Variants in MDH2 observed in about 807,000 individuals in gnomAD.
MDH2 encodes the protein malate dehydrogenase 2.
In MDH2, 25 loss-of-function variants were observed where a neutral mutation model predicts 33.6. That is an observed-to-expected ratio of 0.74 (90% CI 0.54 to 1.04). The LOEUF is 1.04. MDH2 is among the 50% of genes least tolerant of loss of function. The pLI is 0.00. For missense variants in MDH2, 432 were observed against 445.0 expected (o/e 0.97, Z 0.26); for synonymous variants, 193 against 188.7 (o/e 1.02, Z -0.19).
chr7:76,066,395 G>A lies in MDH2; in HGVS notation c.1002G>A (p.Val334=). ...KASIKKGEDF[V]KTLK ...CCATCAAGAAGGGGGAAGATTTCGT[G>A]AAGACCCTGAAGTGAGCCGCTGTGA... is the stretch of plus-strand genomic sequence containing the variant. Residue 334 remains valine, a synonymous_variant, in exon 9 of 9, where the codon GTG becomes GTA. Transcript: ENST00000315758. 20 of 1,611,472 alleles carry A rather than the reference G, an allele frequency of 1.2e-5. No homozygotes were observed. Among genetic ancestry groups the A allele is most frequent in the Non-Finnish European group, 1.7e-5 (20 of 1,179,218 alleles).
chr7:76,053,286 C>T (rs1169673840), intron 1 of MDH2, among the ~76,000 whole-genome samples: 1 of 152,040 alleles, frequency 6.6e-6, no homozygotes, highest in African/African-American at 2.4e-5. Flanking sequence ...GTTTGTGGAA[C>T]CCATGGAACG....
Position 76,058,019 on chromosome 7 carries a change from C to G in MDH2, c.370C>G (p.Leu124Val), listed in dbSNP as rs1585405844. 2.5e-6 allele frequency: 4 copies of G among 1,614,082 alleles called. No homozygotes were observed. The highest frequency in any genetic ancestry group is 3.4e-6 in the Non-Finnish European group (4 of 1,180,054). ...CACCAATGCCACGATTGTGGCCACCCTGACCGCTGCCTGTGCCCAGCACTG... is the reference window on the plus strand; with the variant it reads ...CACCAATGCCACGATTGTGGCCACCGTGACCGCTGCCTGTGCCCAGCACTG... The part of the protein sequence containing the change: ...FNTNATIVAT[L>V]TAACAQHCPE... Residue 124 changes from leucine to valine, a missense_variant, in exon 4 of 9, where the codon CTG becomes GTG. Leu to Val is a conservative substitution (Grantham distance 32). Coordinates refer to ENST00000315758, the MANE Select transcript of MDH2 (RefSeq NM_005918.4).
chr7:76,057,013 A>C (rs200034524), intron 2 of MDH2, among the ~76,000 whole-genome samples: 1 of 372 alleles, frequency 2.7e-3, no homozygotes, highest in Non-Finnish European at 0.05. Flanking sequence ...ACTCCCTCTC[A>C]AAAAAAAAAA....
chr7:76,064,589 A>G, intron 7 of MDH2, 151 bp downstream of exon 7: 1 of 917,784 alleles, frequency 1.1e-6, no homozygotes, highest in Non-Finnish European at 1.6e-6. Context: ...GTGAGAGGGC[A>G]GCTCGGCCTG....
rs782787769 is a variant in MDH2, at chr7:76,064,343, C to A, written c.638C>A (p.Thr213Asn). The A allele has an allele frequency of 3.7e-6, 6 of 1,610,668 alleles. No homozygotes were observed. The African/African-American group carries it at 8.0e-5, about 22-fold the overall frequency. The change falls in exon 7 of 9, where the codon ACC (threonine) becomes AAC (asparagine). Residue 213 changes from threonine (T) to asparagine (N), a missense_variant. By Grantham distance (65) the Thr-to-Asn change is moderately conservative. Transcript: ENST00000315758. Reference sequence around the variant, plus strand: ...ATCCCATGGCTTGGCTTGCAGTGCACCCCCAAGGTGGACTTTCCCCAGGAC... The same window carrying A: ...ATCCCATGGCTTGGCTTGCAGTGCAACCCCAAGGTGGACTTTCCCCAGGAC... ...KTIIPLISQC[T>N]PKVDFPQDQL... is the part of the protein sequence containing the mutation.
intron 2 of MDH2, 79 bp from the exon 3 acceptor site, chr7:76,057,331 C>A: frequency 6.7e-7 from 1 of 1,502,178 alleles, no homozygotes. Context: ...CATTAGTTGG[C>A]CTTAAGGCCA....
At chr7:76,059,393 C>T (rs1797878723) in intron 4 of MDH2, among the ~76,000 whole-genome samples, 1 of 152,226 alleles carries the variant, frequency 6.6e-6, no homozygotes, top group African/African-American at 2.4e-5. Flanking sequence ...ATTCCTGGTC[C>T]CCTGTTGTCC....
chr7:76,055,189 A>G (rs1254021281), intron 2 of MDH2, among the ~76,000 whole-genome samples, 191 bp downstream of exon 2: 1 of 152,226 alleles, frequency 6.6e-6, no homozygotes, highest in Non-Finnish European at 1.5e-5. Flanking sequence ...GGTGTCTTTT[A>G]GAAATGTGAG....
chr7:76,048,385 C>T, intron 1 of MDH2, 159 bp downstream of exon 1: 1 of 1,207,990 alleles, frequency 8.3e-7, no homozygotes, highest in Non-Finnish European at 1.1e-6. Context: ...GGCCCTGACA[C>T]TGGCCTGGAG....
At position 76,060,556 on chromosome 7, in the gene MDH2, G is replaced by A. The variant is rs1306436786; in HGVS notation, c.555+58G>A. On this transcript the variant is annotated intron_variant, in intron 5 of 8. Transcript: ENST00000315758. Reference sequence around the variant, plus strand: ...TTTCTGAACTTCTCCCGCCACCCGTGCTCATTTACGGGCGTGGAAGACATG... The same window carrying A: ...TTTCTGAACTTCTCCCGCCACCCGTACTCATTTACGGGCGTGGAAGACATG... The A allele has an allele frequency of 1.9e-6, 3 of 1,598,960 alleles. No individual in the cohort carries two copies. In the African/African-American group the frequency reaches 4.0e-5, roughly 21 times the overall value.
At chr7:76,064,977 TCTGA>T in intron 8 of MDH2, 24 bp downstream of exon 8, 1 of 1,613,516 alleles carries the variant, frequency 6.2e-7, no homozygotes, top group Non-Finnish European at 8.5e-7. Context: ...CGTGGGTCCT[TCTGA>T]CTGTGGAATA....
intron 2 of MDH2, among the ~76,000 whole-genome samples, chr7:76,056,997 A>G (rs1554586347): frequency 7.2e-6 from 1 of 138,342 alleles, no homozygotes; most frequent in East Asian, 2.2e-4. Flanking sequence ...TGGGTGACAG[A>G]GCAAGACTCC....
At chr7:76,052,973 C>G (rs1797668715) in intron 1 of MDH2, among the ~76,000 whole-genome samples, 1 of 152,182 alleles carries the variant, frequency 6.6e-6, no homozygotes, top group African/African-American at 2.4e-5. Context: ...TTCTGAGTAG[C>G]TGGGACTACA....
intron 5 of MDH2, among the ~76,000 whole-genome samples, chr7:76,062,217 G>A (rs957266410): frequency 1.3e-5 from 2 of 152,138 alleles, no homozygotes; most frequent in South Asian, 2.1e-4. Context: ...CCCTTTCAAC[G>A]TGGCTCCAGG....
chr7:76,051,509 C>A (rs1797625697), intron 1 of MDH2, among the ~76,000 whole-genome samples: 1 of 150,702 alleles, frequency 6.6e-6, no homozygotes, highest in South Asian at 2.1e-4. Flanking sequence ...TTAGTAGAGA[C>A]AGGGTTTCTC....
At chr7:76,057,696 C>T (rs1797823522) in intron 3 of MDH2, among the ~76,000 whole-genome samples, 1 of 152,272 alleles carries the variant, frequency 6.6e-6, no homozygotes, top group Admixed American at 6.5e-5. Context: ...CCTCTGTGCA[C>T]GGACGCCCTT....
rs560020605 is a variant in MDH2 at position 76,051,121 on chromosome 7, G to T, written c.66+2895G>T. Reference sequence around the variant, plus strand: ...GCTGGTCTCAAACTCCTGACCTCAGGTGATCCACCTGTCTTGGCCTCCCAA... The same window carrying T: ...GCTGGTCTCAAACTCCTGACCTCAGTTGATCCACCTGTCTTGGCCTCCCAA... On this transcript the variant is annotated intron_variant, in intron 1 of 8. Coordinates refer to ENST00000315758, the MANE Select transcript of MDH2 (RefSeq NM_005918.4). Among the ~76,000 whole-genome samples the T allele has an allele frequency of 7.9e-5, 12 of 152,176 alleles. 1 individual carries two copies. The South Asian group carries it at 8.3e-4, about 11-fold the overall frequency.
At chr7:76,049,976 C>T (rs190132817) in intron 1 of MDH2, among the ~76,000 whole-genome samples, 214 of 152,174 alleles carry the variant, frequency 1.4e-3, no homozygotes, top group African/African-American at 4.7e-3. Context: ...GGACTACAGG[C>T]GCGCACCACC....
chr7:76,059,782 C>T (rs1554586736), intron 4 of MDH2, among the ~76,000 whole-genome samples: 1 of 152,210 alleles, frequency 6.6e-6, no homozygotes, highest in African/African-American at 2.4e-5. Flanking sequence ...AGCTGCTATT[C>T]CCTTTGTTGG....
Sources: gnomAD v4.1 joint callset for allele counts (sites outside exome capture counted in the v4.1 genomes callset) on GRCh38, gnomAD v4.1.1 for gene constraint, MANE v1.5 for transcripts, NCBI Gene and HGNC (gene_info 2026-07-23, HGNC 2026-07-21) for gene names.